TMC1: variants seen among roughly 807,000 people sequenced by gnomAD.
TMC1 encodes the protein transmembrane channel like 1.
TMC1 carries 84 observed loss-of-function variants against 105.8 expected under a neutral mutation model. That is an observed-to-expected ratio of 0.79 (90% CI 0.67 to 0.95). TMC1 has a LOEUF of 0.95. Ranked by LOEUF, TMC1 falls within the 40% of genes least tolerant of loss-of-function variation. The pLI is 0.00. For synonymous variants in TMC1, 315 were observed against 311.5 expected (o/e 1.01, Z -0.12); for missense variants, 817 against 914.1 (o/e 0.89, Z 1.37).
At chr9:72,667,185 A>G (rs370769436) in intron 5 of TMC1, among the ~76,000 whole-genome samples, 1 of 152,214 alleles carries the variant, frequency 6.6e-6, no homozygotes. Context: ...GATAACTGGT[A>G]GATTTGGGTT....
chr9:72,684,389 T>C (rs1044268720), intron 5 of TMC1, among the ~76,000 whole-genome samples: 15 of 152,190 alleles, frequency 9.9e-5, no homozygotes, highest in African/African-American at 3.6e-4. Context: ...TAGCAACTTA[T>C]GATACGTCTC....
chr9:72,669,692 A>AT (rs1008095964), intron 5 of TMC1, among the ~76,000 whole-genome samples: 58 of 147,618 alleles, frequency 3.9e-4, no homozygotes, highest in Middle Eastern at 3.5e-3. Flanking sequence ...CTCTTGACTC[A>AT]TTTTTTTTTT....
At chr9:72,737,279 T>A (rs1334866222) in intron 8 of TMC1, among the ~76,000 whole-genome samples, 1 of 152,194 alleles carries the variant, frequency 6.6e-6, no homozygotes. Flanking sequence ...CCGTAATATA[T>A]CAATCATGTT....
chr9:72,599,115 C>G (rs1438050308), intron 2 of TMC1, among the ~76,000 whole-genome samples: 1 of 152,158 alleles, frequency 6.6e-6, no homozygotes, highest in Non-Finnish European at 1.5e-5. Context: ...ACTGCAACCT[C>G]CGCCTCCTGG....
chr9:72,745,701 G>A (rs1361535950), intron 10 of TMC1, among the ~76,000 whole-genome samples: 1 of 152,110 alleles, frequency 6.6e-6, no homozygotes, highest in African/African-American at 2.4e-5. Context: ...CTAAATATAG[G>A]TAAAGCATGT....
intron 8 of TMC1, among the ~76,000 whole-genome samples, chr9:72,734,341 T>C (rs757902578): frequency 2.0e-5 from 3 of 152,222 alleles, no homozygotes; most frequent in African/African-American, 2.4e-5. Context: ...ATTACATACA[T>C]TATTTTCTAT....
intron 1 of TMC1, among the ~76,000 whole-genome samples, chr9:72,536,641 T>C (rs890633394): frequency 1.3e-5 from 2 of 152,118 alleles, no homozygotes; most frequent in Non-Finnish European, 2.9e-5. Context: ...CAGACATTAA[T>C]TCTTAAAACT....
rs1824733735 is a variant in TMC1 at position 72,597,114 on chromosome 9, TGAG to T, written c.-306+19095_-306+19097del. On this transcript the variant is annotated intron_variant, in intron 2 of 23. Coordinates refer to ENST00000297784, the MANE Select transcript of TMC1 (RefSeq NM_138691.3). Reference sequence around the variant, plus strand: ...AACCACATGTGGGAGACTTTTTAGATGAGGAGATAGGAAATTCCTAATAAGAAA... The same window carrying T: ...AACCACATGTGGGAGACTTTTTAGATGAGATAGGAAATTCCTAATAAGAAA... 2.6e-5 allele frequency among the ~76,000 whole-genome samples: 4 copies of T among 152,218 alleles called. No individual in the cohort carries two copies. In the South Asian group the frequency reaches 8.3e-4, roughly 31 times the overall value.
At chr9:72,785,300 A>G (rs1431837933) in intron 13 of TMC1, among the ~76,000 whole-genome samples, 1 of 152,014 alleles carries the variant, frequency 6.6e-6, no homozygotes, top group Non-Finnish European at 1.5e-5. Flanking sequence ...TTTCCACTTT[A>G]ACTAAATTTT....
At chr9:72,711,092 T>C (rs1463775214) in intron 8 of TMC1, among the ~76,000 whole-genome samples, 1 of 152,246 alleles carries the variant, frequency 6.6e-6, no homozygotes, top group Non-Finnish European at 1.5e-5. Context: ...GCAAAAGACA[T>C]TAACTCATCC....
chr9:72,643,607 A>G (rs1825662215), intron 4 of TMC1, among the ~76,000 whole-genome samples: 1 of 152,080 alleles, frequency 6.6e-6, no homozygotes, highest in African/African-American at 2.4e-5. Context: ...TGCCATTCAT[A>G]TCAGTTTTTG....
chr9:72,773,358 C>G (rs1827961282), intron 13 of TMC1, among the ~76,000 whole-genome samples: 1 of 152,070 alleles, frequency 6.6e-6, no homozygotes, highest in Non-Finnish European at 1.5e-5. Flanking sequence ...TAGGAGGTCC[C>G]TCAGCCTGAG....
At chr9:72,660,367 G>C (rs1247636176) in intron 5 of TMC1, among the ~76,000 whole-genome samples, 2 of 152,046 alleles carry the variant, frequency 1.3e-5, no homozygotes, top group Non-Finnish European at 2.9e-5. Flanking sequence ...CAGCTGTCCA[G>C]TTCTTAAACA....
At position 72,599,538 on chromosome 9, in the gene TMC1, C is replaced by T. The variant is rs138960106; in HGVS notation, c.-305-16830C>T. Reference sequence around the variant, plus strand: ...GGTACCAGGAGTCCAAATTGAAGTTCGATTTTCATTATCACAGATTTTCAT... The same window carrying T: ...GGTACCAGGAGTCCAAATTGAAGTTTGATTTTCATTATCACAGATTTTCAT... On this transcript the variant is annotated intron_variant, in intron 2 of 23. Transcript: ENST00000297784. Among the ~76,000 whole-genome samples the T allele has an allele frequency of 2.3e-3, 347 of 152,218 alleles. 1 individual carries two copies. In the Middle Eastern group the frequency reaches 0.024, roughly 10 times the overall value.
chr9:72,796,332 G>A (rs993725616), intron 17 of TMC1, among the ~76,000 whole-genome samples: 5 of 152,150 alleles, frequency 3.3e-5, no homozygotes, highest in Non-Finnish European at 4.4e-5. Flanking sequence ...GCTATTTCAC[G>A]AAATTGAGGA....
At chr9:72,699,814 G>A (rs182746105) in intron 7 of TMC1, among the ~76,000 whole-genome samples, 34 of 151,264 alleles carry the variant, frequency 2.2e-4, no homozygotes, top group Non-Finnish European at 2.9e-4. Flanking sequence ...AAAATTAGCC[G>A]GGCAAGATGG....
At chr9:72,587,053 T>C (rs1226124524) in intron 2 of TMC1, among the ~76,000 whole-genome samples, 1 of 152,194 alleles carries the variant, frequency 6.6e-6, no homozygotes, top group Non-Finnish European at 1.5e-5. Context: ...AGGTCAGGGA[T>C]GCTGCTGAAC....
intron 12 of TMC1, among the ~76,000 whole-genome samples, chr9:72,771,286 T>G (rs1827921068): frequency 6.6e-6 from 1 of 152,226 alleles, no homozygotes; most frequent in Admixed American, 6.5e-5. Context: ...AAAGCAATAG[T>G]TTTTCAGATC....
At chr9:72,552,524 G>A (rs1187010300) in intron 1 of TMC1, among the ~76,000 whole-genome samples, 1 of 152,152 alleles carries the variant, frequency 6.6e-6, no homozygotes, top group Non-Finnish European at 1.5e-5. Context: ...CATCACAGAT[G>A]CTTATTTGCA....
Sources: allele counts gnomAD v4.1 joint callset (sites outside exome capture counted in the v4.1 genomes callset), GRCh38; gene constraint gnomAD v4.1.1; transcripts MANE v1.5; gene names NCBI Gene and HGNC (gene_info 2026-07-23, HGNC 2026-07-21).